KCNT2: variants seen among roughly 807,000 people sequenced by gnomAD.
KCNT2 encodes the protein potassium channel subfamily T member 2.
A neutral mutation model predicts 153.8 loss-of-function variants in KCNT2; 67 were observed. The observed-to-expected ratio is 0.44, with a 90% CI of 0.36 to 0.53. The LOEUF (loss-of-function observed/expected upper bound fraction) is 0.53. Ranked by LOEUF, KCNT2 falls within the 20% of genes least tolerant of loss-of-function variation. KCNT2 has a pLI of 0.00. For missense variants in KCNT2, 975 were observed against 1,354.8 expected, an observed-to-expected ratio of 0.72 and a Z score of 4.40; for synonymous variants, 500 against 458.8, an observed-to-expected ratio of 1.09 and a Z score of -1.15.
chr1:196,435,263 C>G (rs1674553432), intron 8 of KCNT2, among the ~76,000 whole-genome samples: 2 of 145,768 alleles, frequency 1.4e-5, no homozygotes, highest in African/African-American at 5.0e-5. Context: ...ACTATTTGGA[C>G]TGTTTACTTA....
At chr1:196,524,153 A>G (rs1653864082) in intron 1 of KCNT2, among the ~76,000 whole-genome samples, 1 of 152,176 alleles carries the variant, frequency 6.6e-6, no homozygotes, top group African/African-American at 2.4e-5. Flanking sequence ...TCTACCTATA[A>G]AGGTAAAATC....
At chr1:196,515,561 T>C (rs1171373816) in intron 1 of KCNT2, among the ~76,000 whole-genome samples, 1 of 152,128 alleles carries the variant, frequency 6.6e-6, no homozygotes, top group Admixed American at 6.5e-5. Flanking sequence ...TTTGTGAAAA[T>C]AACTGAGAAT....
At chr1:196,369,317 A>T (rs1489808267) in intron 14 of KCNT2, among the ~76,000 whole-genome samples, 1 of 151,750 alleles carries the variant, frequency 6.6e-6, no homozygotes, top group African/African-American at 2.4e-5. Flanking sequence ...ATTTTTTTTT[A>T]TTTATTTTTG....
chr1:196,257,970 G>T, intron 26 of KCNT2: 1 of 1,297,712 alleles, frequency 7.7e-7, no homozygotes, highest in Non-Finnish European at 9.9e-7. Flanking sequence ...CATGTAATGG[G>T]TTTAGCACAG....
At chr1:196,296,252 A>C (rs1660664831) in intron 22 of KCNT2, among the ~76,000 whole-genome samples, 1 of 151,970 alleles carries the variant, frequency 6.6e-6, no homozygotes, top group Non-Finnish European at 1.5e-5. Flanking sequence ...TTACATAAAT[A>C]AATAAGAAAA....
At chr1:196,411,059 CTCCTTCCTTCCT>C (rs147825662) in intron 12 of KCNT2, among the ~76,000 whole-genome samples, 1,754 of 95,024 alleles carry the variant, frequency 0.018, 70 homozygotes, top group African/African-American at 0.064. Context: ...CCTCTATTCC[CTCCTTCCTTCCT>C]TCCTTCCTTC....
intron 1 of KCNT2, among the ~76,000 whole-genome samples, chr1:196,601,602 G>A (rs1664730254): frequency 1.3e-5 from 2 of 152,164 alleles, no homozygotes; most frequent in Admixed American, 6.5e-5. Context: ...GTAGGGAGAT[G>A]TTATTTAGCA....
At chr1:196,466,721 T>C (rs1043083139) in intron 7 of KCNT2, among the ~76,000 whole-genome samples, 3 of 152,068 alleles carry the variant, frequency 2.0e-5, no homozygotes, top group Non-Finnish European at 4.4e-5. Flanking sequence ...ATGAAGATAA[T>C]AGCAGAGAAG....
intron 14 of KCNT2, among the ~76,000 whole-genome samples, chr1:196,343,629 T>C (rs1665873018): frequency 6.6e-6 from 1 of 152,128 alleles, no homozygotes; most frequent in African/African-American, 2.4e-5. Context: ...CTTTAAAAAA[T>C]ATCTATATTT....
intron 4 of KCNT2, among the ~76,000 whole-genome samples, chr1:196,481,733 C>A (rs983015534): frequency 6.6e-6 from 1 of 152,124 alleles, no homozygotes; most frequent in Non-Finnish European, 1.5e-5. Context: ...AAAGAAGTAA[C>A]GGAGACTCTA....
At chr1:196,475,531 G>A (rs548090717) in intron 5 of KCNT2, among the ~76,000 whole-genome samples, 13 of 151,854 alleles carry the variant, frequency 8.6e-5, no homozygotes, top group South Asian at 2.1e-4. Context: ...TGAGGCGAGC[G>A]GATCTATACC....
intron 25 of KCNT2, among the ~76,000 whole-genome samples, chr1:196,263,870 T>C (rs1489767817): frequency 3.3e-5 from 5 of 152,222 alleles, no homozygotes; most frequent in Non-Finnish European, 7.3e-5. Flanking sequence ...CTCCTTTTTA[T>C]GATACATTTT....
intron 8 of KCNT2, among the ~76,000 whole-genome samples, chr1:196,435,364 G>A (rs1196461601): frequency 6.7e-6 from 1 of 150,174 alleles, no homozygotes; most frequent in Non-Finnish European, 1.5e-5. Flanking sequence ...TCCAGCCTTT[G>A]TTTCAGGTAG....
chr1:196,558,384 T>TGTGA (rs1384912813), intron 1 of KCNT2, among the ~76,000 whole-genome samples: 1 of 150,682 alleles, frequency 6.6e-6, no homozygotes, highest in Non-Finnish European at 1.5e-5. Context: ...AAATAACGTG[T>TGTGA]GTGTGTGTGT....
intron 1 of KCNT2, among the ~76,000 whole-genome samples, chr1:196,530,657 C>G (rs1654816066): frequency 6.6e-6 from 1 of 151,974 alleles, no homozygotes; most frequent in African/African-American, 2.4e-5. Context: ...GTAATTGTCA[C>G]TAATCAGTAT....
chr1:196,543,333 T>G (rs1306059412), intron 1 of KCNT2, among the ~76,000 whole-genome samples: 1 of 152,130 alleles, frequency 6.6e-6, no homozygotes, highest in Non-Finnish European at 1.5e-5. Flanking sequence ...TACTAAAGTT[T>G]AATCTCAGTA....
At chr1:196,591,859 A>G (rs1663399457) in intron 1 of KCNT2, among the ~76,000 whole-genome samples, 1 of 152,186 alleles carries the variant, frequency 6.6e-6, no homozygotes, top group South Asian at 2.1e-4. Flanking sequence ...TACATGAAAT[A>G]TGTTGTAGGA....
chr1:196,270,397 G>C (rs1035564253), intron 25 of KCNT2, among the ~76,000 whole-genome samples: 6 of 151,914 alleles, frequency 3.9e-5, no homozygotes, highest in Non-Finnish European at 1.5e-5. Flanking sequence ...ATATAAAAAC[G>C]TATTTGCTTT....
At chr1:196,257,875 G>C (rs1406768926) in intron 26 of KCNT2, 5 of 983,350 alleles carry the variant, frequency 5.1e-6, no homozygotes, top group African/African-American at 1.7e-5. Context: ...TAATTAGAAG[G>C]CTACCTGACT....
Sources: gnomAD v4.1 joint callset for allele counts (sites outside exome capture counted in the v4.1 genomes callset) on GRCh38, gnomAD v4.1.1 for gene constraint, MANE v1.5 for transcripts, NCBI Gene and HGNC (gene_info 2026-07-23, HGNC 2026-07-21) for gene names.